PSME3: variants seen among roughly 807,000 people sequenced by gnomAD.
PSME3 encodes the protein proteasome activator complex subunit 3.
Under a neutral mutation model 38.3 loss-of-function variants are expected in PSME3, and 7 were observed. The observed-to-expected ratio is 0.18, with a 90% CI of 0.10 to 0.34. PSME3 has a LOEUF of 0.34. Ranked by LOEUF, PSME3 falls within the 10% of genes least tolerant of loss-of-function variation. The pLI is 1.00. For synonymous variants in PSME3, 108 were observed against 105.7 expected (o/e 1.02, Z -0.13); for missense variants, 192 against 307.6 (o/e 0.62, Z 2.81).
chr17:42,833,932 G>A, intron 1 of PSME3: 1 of 1,441,072 alleles, frequency 6.9e-7, no homozygotes, highest in Non-Finnish European at 9.1e-7. Context: ...TTAGGCCCGT[G>A]ACAGCTGGTA....
chr17:42,838,208 G>GA lies in PSME3; in HGVS notation c.405+4dup. The GA allele has an allele frequency of 1.2e-6, 2 of 1,613,760 alleles. No individual in the cohort carries two copies. On this transcript the variant is annotated splice_donor_region_variant and intron_variant, in intron 6 of 10. Transcript: ENST00000590720. ...TGTTGATTGAGAAATGTAACACGGT[G>GA]AGGCACAGGCTGGTGACCTATGGGC...
At chr17:42,834,143 C>T in intron 1 of PSME3, 5 of 1,477,914 alleles carry the variant, frequency 3.4e-6, no homozygotes, top group Non-Finnish European at 4.5e-6. Flanking sequence ...ACAGAGGAGA[C>T]AGGCAGGTGC....
chr17:42,839,657 G>A lies in PSME3; in HGVS notation c.684+277G>A, dbSNP rs75226906. Among the ~76,000 whole-genome samples the A allele has an allele frequency of 3.1e-4, 47 of 152,300 alleles. No homozygotes were observed. In the East Asian group the frequency reaches 8.1e-3, roughly 26 times the overall value. On this transcript the variant is annotated intron_variant, in intron 10 of 10. Transcript: ENST00000590720. ...TGCAACCAGGCTCTACCTGTGTTGTGTGACCTCGAGCAAATTGTTCAAGCT... is the reference window on the plus strand; with the variant it reads ...TGCAACCAGGCTCTACCTGTGTTGTATGACCTCGAGCAAATTGTTCAAGCT...
chr17:42,841,760 C>T lies in PSME3; in HGVS notation c.*182C>T, dbSNP rs1478750648. ...TGATGTGTTTACCTCTTTTTTCAGG[C>T]CTCAGGAACTCTTCTATTTCCTTCC... is the stretch of plus-strand genomic sequence containing the variant. On this transcript the variant is annotated 3_prime_UTR_variant, in exon 11 of 11. Coordinates refer to ENST00000590720, the MANE Select transcript of PSME3 (RefSeq NM_005789.4). The T allele has an allele frequency of 2.1e-6, 1 of 469,374 alleles. No individual in the cohort carries two copies. The highest frequency in any genetic ancestry group is 3.8e-6 in the Non-Finnish European group (1 of 266,136). 29.1% of individuals were successfully genotyped at this position (469,374 alleles called of 1,614,324 possible).
At position 42,842,652 on chromosome 17, in the gene PSME3, G is replaced by A. The variant is rs1452802312; in HGVS notation, c.*1074G>A. ...GCTTCCGGGGAAAGCAATCATTGGT[G>A]TGTATGTGTATGTGCATGCACACAC... On this transcript the variant is annotated 3_prime_UTR_variant, in exon 11 of 11. Coordinates refer to ENST00000590720, the MANE Select transcript of PSME3 (RefSeq NM_005789.4). 6.5e-6 allele frequency: 1 copy of A among 152,758 alleles called. No homozygotes were observed. Among genetic ancestry groups the A allele is most frequent in the Non-Finnish European group, 1.5e-5 (1 of 68,062 alleles). 9.5% of individuals were successfully genotyped at this position (152,758 alleles called of 1,614,324 possible).
intron 4 of PSME3, among the ~76,000 whole-genome samples, chr17:42,836,418 A>G (rs1204942514): frequency 6.6e-6 from 1 of 152,242 alleles, no homozygotes; most frequent in Non-Finnish European, 1.5e-5. Context: ...TGGAACCAGC[A>G]GATTTGTACG....
In PSME3 at chr17:42,839,399, T is replaced by C. The variant is rs747172413; in HGVS notation, c.684+19T>C. The C allele has an allele frequency of 6.4e-7, 1 of 1,560,726 alleles. No homozygotes were observed. Among genetic ancestry groups the C allele is most frequent in the Non-Finnish European group, 8.8e-7 (1 of 1,133,198 alleles). ...TCAATATGTGAGTAATCTCAGTCCT[T>C]GTCCATAGTTGCTGTGGCTTCTCTT... On this transcript the variant is annotated intron_variant, in intron 10 of 10. Transcript: ENST00000590720.
rs2055562330 is a variant in PSME3, at chr17:42,843,685, T to C, written c.*2107T>C. The C allele has an allele frequency of 6.6e-6, 1 of 152,300 alleles. No individual in the cohort carries two copies. The highest frequency in any genetic ancestry group is 2.1e-4 in the South Asian group (1 of 4,834). 9.4% of individuals were successfully genotyped at this position (152,300 alleles called of 1,614,324 possible). On this transcript the variant is annotated 3_prime_UTR_variant, in exon 11 of 11. Transcript: ENST00000590720. ...TTCTTGAGGAGACTCCTAGTTTTGG[T>C]TTTCAAATTACTTGGAGGGCTGCCT...
At chr17:42,841,390 CTT>C in intron 10 of PSME3, 106 bp from the exon 11 acceptor site, 1 of 556,372 alleles carries the variant, frequency 1.8e-6, no homozygotes, top group Non-Finnish European at 3.0e-6. Flanking sequence ...ACATTAAGGA[CTT>C]ACCGTATGCA....
At chr17:42,837,904 T>G in intron 5 of PSME3, 189 bp from the exon 6 acceptor site, 25 of 862,386 alleles carry the variant, frequency 2.9e-5, no homozygotes, top group Non-Finnish European at 4.3e-5. Context: ...ACTTTTGTTA[T>G]GTTTTAGACG....
rs752280969 is a variant in PSME3, at chr17:42,841,774, C to T, written c.*196C>T. ...CTTTTTTCAGGCCTCAGGAACTCTT[C>T]TATTTCCTTCCCTAATACCCCACAC... On this transcript the variant is annotated 3_prime_UTR_variant, in exon 11 of 11. Transcript: ENST00000590720. 33 of 448,986 alleles carry T rather than the reference C, an allele frequency of 7.3e-5. No individual in the cohort carries two copies. Among genetic ancestry groups the T allele is most frequent in the Non-Finnish European group, 1.1e-4 (28 of 253,524 alleles). 27.8% of individuals were successfully genotyped at this position (448,986 alleles called of 1,614,324 possible). A position where few individuals can be genotyped will look rare whatever the true frequency, so the allele number is the denominator to read the frequency against.
chr17:42,839,025 G>A lies in PSME3; in HGVS notation c.542+13G>A. 6.2e-7 allele frequency: 1 copy of A among 1,614,032 alleles called. No individual in the cohort carries two copies. The highest frequency in any genetic ancestry group is 8.5e-7 in the Non-Finnish European group (1 of 1,179,894). Reference sequence around the variant, plus strand: ...ACCAGATTTCTAGGTAGGGCTGCTTGGGCTTGGCCGAGGCGTTGGGGGCTG... The same window carrying A: ...ACCAGATTTCTAGGTAGGGCTGCTTAGGCTTGGCCGAGGCGTTGGGGGCTG... On this transcript the variant is annotated intron_variant, in intron 8 of 10. Transcript: ENST00000590720.
Position 42,841,599 on chromosome 17 carries a change from G to A in PSME3, c.*21G>A, listed in dbSNP as rs973122669. 16 of 1,537,302 alleles carry A rather than the reference G, an allele frequency of 1.0e-5. No homozygotes were observed. Among genetic ancestry groups the A allele is most frequent in the South Asian group, 5.9e-5 (5 of 84,582 alleles). On this transcript the variant is annotated 3_prime_UTR_variant, in exon 11 of 11. Transcript: ENST00000590720. ...ACTGAGGCCAGGGCCAGGGCCAGGG[G>A]ACTCTGTGAGTCTGGCTCAAGACCG... is the stretch of plus-strand genomic sequence containing the variant.
At chr17:42,836,454 T>G (rs1341866092) in intron 4 of PSME3, among the ~76,000 whole-genome samples, 1 of 152,256 alleles carries the variant, frequency 6.6e-6, no homozygotes, top group Non-Finnish European at 1.5e-5. Flanking sequence ...CTTCCCTGCT[T>G]TGATTGGTTC....
intron 2 of PSME3, 64 bp downstream of exon 2, chr17:42,834,440 G>A (rs1403535304): frequency 4.4e-6 from 5 of 1,130,876 alleles, no homozygotes; most frequent in Non-Finnish European, 5.9e-6. Context: ...GATACCTGGA[G>A]AGAGAGAGAG....
intron 10 of PSME3, among the ~76,000 whole-genome samples, chr17:42,841,156 C>T (rs1422223078): frequency 6.9e-6 from 1 of 145,282 alleles, no homozygotes; most frequent in African/African-American, 2.6e-5. Context: ...AAAAAAAATA[C>T]AGTAAGTCTT....
In PSME3 at chr17:42,841,267, G is replaced by A. The variant is rs372057330; in HGVS notation, c.685-231G>A. Among the ~76,000 whole-genome samples the A allele has an allele frequency of 5.3e-5, 8 of 151,250 alleles. No individual in the cohort carries two copies. The East Asian group carries it at 1.2e-3, about 22-fold the overall frequency. ...ATTAACATTGTAACAAAATGACATC[G>A]AACAAAATGATGTTATTTGAAACCA... On this transcript the variant is annotated intron_variant, in intron 10 of 10. Coordinates refer to ENST00000590720, the MANE Select transcript of PSME3 (RefSeq NM_005789.4).
chr17:42,833,475 G>C lies in PSME3; in HGVS notation c.-157G>C, dbSNP rs2055422500. Reference sequence around the variant, plus strand: ...GGCAGCAGGCTGCCGGCGGGCGGGCGGACGGCACAGAGGGAGGGAGCGAGC... The same window carrying C: ...GGCAGCAGGCTGCCGGCGGGCGGGCCGACGGCACAGAGGGAGGGAGCGAGC... On this transcript the variant is annotated 5_prime_UTR_variant, in exon 1 of 11. Coordinates refer to ENST00000590720, the MANE Select transcript of PSME3 (RefSeq NM_005789.4). The C allele has an allele frequency of 1.2e-6, 1 of 838,056 alleles. No homozygotes were observed. The highest frequency in any genetic ancestry group is 2.8e-5 in the Admixed American group (1 of 35,684). 51.9% of individuals were successfully genotyped at this position (838,056 alleles called of 1,614,324 possible).
At chr17:42,834,602 A>G in intron 3 of PSME3, 25 bp downstream of exon 3, 1 of 1,612,494 alleles carries the variant, frequency 6.2e-7, no homozygotes, top group East Asian at 2.2e-5. Flanking sequence ...TCTTTCCTCA[A>G]ATTCCCCAAT....
Sources: gnomAD v4.1 joint callset for allele counts (sites outside exome capture counted in the v4.1 genomes callset) on GRCh38, gnomAD v4.1.1 for gene constraint, MANE v1.5 for transcripts, NCBI Gene and HGNC (gene_info 2026-07-23, HGNC 2026-07-21) for gene names.